The following ANKRD30A variants were observed in gnomAD, a reference collection of about 807,000 sequenced individuals.
The protein encoded by ANKRD30A is ankyrin repeat domain 30A.
A neutral mutation model predicts 166.3 loss-of-function variants in ANKRD30A; 170 were observed. That is an observed-to-expected ratio of 1.02 (90% CI 0.90 to 1.16). ANKRD30A has a LOEUF of 1.16. ANKRD30A is among the 50% of genes most tolerant of loss of function. The pLI is 0.00. For synonymous variants in ANKRD30A, 564 were observed against 508.9 expected, an observed-to-expected ratio of 1.11 and a Z score of -1.46; for missense variants, 1,630 against 1,518.0, an observed-to-expected ratio of 1.07 and a Z score of -1.23.
rs201775035 is a variant in ANKRD30A at position 37,197,307 on chromosome 10, G to A, written c.2641G>A (p.Glu881Lys). 271 of 1,613,054 alleles carry A rather than the reference G, an allele frequency of 1.7e-4. No individual in the cohort carries two copies. The highest frequency in any genetic ancestry group is 1.3e-3 in the East Asian group (57 of 44,852). Residue 881 changes from glutamate to lysine, a missense_variant and splice_region_variant, in exon 28 of 36, where the codon GAG becomes AAG. By Grantham distance (56) the Glu-to-Lys change is moderately conservative (BLOSUM62 1). Transcript: ENST00000361713. ...AEPPEKPSAF[E>K]PAIEMQKSVP... ...GCCTCCCGAGAAGCCATCTGCCTTC[G>A]AGGTATTTAGTTTTATGATTTCATT...
chr10:37,141,839 T>C lies in ANKRD30A; in HGVS notation c.942T>C (p.Pro314=). 6.2e-7 allele frequency: 1 copy of C among 1,613,880 alleles called. No individual in the cohort carries two copies. The highest frequency in any genetic ancestry group is 8.5e-7 in the Non-Finnish European group (1 of 1,179,896). The change falls in exon 7 of 36, where the codon CCT becomes CCC. Residue 314 remains proline (P), a synonymous_variant. Coordinates refer to ENST00000361713, the MANE Select transcript of ANKRD30A (RefSeq NM_052997.3). ...CTGCACCCTTGGTGGAAAGAACACC[T>C]GACACGGCTGAAAGCTTGGTGGAAA... ...DEAAPLVERT[P]DTAESLVEKT...
At chr10:37,179,038 ATATATAT>A (rs1839974413) in intron 24 of ANKRD30A, among the ~76,000 whole-genome samples, 1 of 69,378 alleles carries the variant, frequency 1.4e-5, no homozygotes, top group Non-Finnish European at 4.2e-5. Flanking sequence ...ATATATATAT[ATATATAT>A]ATATATATAT....
intron 21 of ANKRD30A, among the ~76,000 whole-genome samples, chr10:37,171,168 C>T (rs1839535959): frequency 9.8e-6 from 1 of 101,734 alleles, no homozygotes; most frequent in South Asian, 2.5e-4. Flanking sequence ...TCCTTGTTTG[C>T]TTATCGAATA....
At position 37,149,687 on chromosome 10, in the gene ANKRD30A, G is replaced by C. The variant is rs766563948; in HGVS notation, c.1572+8G>C. 4 of 1,612,234 alleles carry C rather than the reference G, an allele frequency of 2.5e-6. No homozygotes were observed. Among genetic ancestry groups the C allele is most frequent in the African/African-American group, 1.3e-5 (1 of 74,788 alleles). ...AAGCCATCTGCCTTCAAGGTATTTA[G>C]TTTTATTATTTCATTTTGAATGACT... is the stretch of plus-strand genomic sequence containing the variant. On this transcript the variant is annotated splice_region_variant and intron_variant, in intron 10 of 35. Coordinates refer to ENST00000361713, the MANE Select transcript of ANKRD30A (RefSeq NM_052997.3).
At chr10:37,199,604 AAG>A (rs1270329974) in intron 29 of ANKRD30A, 121 bp from the exon 30 acceptor site, 5 of 526,466 alleles carry the variant, frequency 9.5e-6, no homozygotes, top group East Asian at 7.4e-5. Flanking sequence ...AATCAACAAA[AAG>A]AATATACGGG....
chr10:37,197,195 G>A, intron 27 of ANKRD30A, 86 bp from the exon 28 acceptor site: 1 of 1,554,748 alleles, frequency 6.4e-7, no homozygotes. Flanking sequence ...AGCAAGAGGA[G>A]TCAGTTAGAT....
rs367918559 is a variant in ANKRD30A at position 37,221,105 on chromosome 10, A to G, written c.4185+1208A>G. On this transcript the variant is annotated intron_variant, in intron 34 of 35. Transcript: ENST00000361713. The stretch of plus-strand genomic sequence containing the variant: ...TGAAGCATTACAGATTCATTAGCGG[A>G]CAAATGACTAGTGGGATGAATCTGG... 5.5e-5 allele frequency among the ~76,000 whole-genome samples: 8 copies of G among 145,686 alleles called. No individual in the cohort carries two copies. The East Asian group carries it at 8.0e-4, about 15-fold the overall frequency.
the ANKRD30A span, among the ~76,000 whole-genome samples, chr10:37,258,622 G>T: frequency 8.0e-5 from 12 of 149,188 alleles, no homozygotes; most frequent in African/African-American, 3.0e-4. Flanking sequence ...TCGTAGGTGG[G>T]TTATAAAGCT....
intron 17 of ANKRD30A, among the ~76,000 whole-genome samples, chr10:37,164,479 A>G (rs925910126): frequency 3.3e-5 from 5 of 152,032 alleles, no homozygotes; most frequent in Non-Finnish European, 5.9e-5. Context: ...GAAGTGTGTC[A>G]TTGTAAATGA....
At chr10:37,235,722 G>T (rs988953385), downstream of ANKRD30A, among the ~76,000 whole-genome samples, 1 of 140,940 alleles carries the variant, frequency 7.1e-6, no homozygotes, top group African/African-American at 2.6e-5. Flanking sequence ...TATTGTATTT[G>T]TTGGGCTTTA....
rs763534436 is a variant in ANKRD30A, at chr10:37,130,173, G to C, written c.337-32G>C. On this transcript the variant is annotated intron_variant, in intron 2 of 35. Coordinates refer to ENST00000361713, the MANE Select transcript of ANKRD30A (RefSeq NM_052997.3). ...AATAATTTATATTATAAATTATACA[G>C]TTTACAATAATTCTTGCTTTAATAC... The C allele has an allele frequency of 4.1e-6, 6 of 1,457,762 alleles. No individual in the cohort carries two copies. The East Asian group carries it at 7.9e-5, about 19-fold the overall frequency. 90.3% of individuals were successfully genotyped at this position (1,457,762 alleles called of 1,614,324 possible).
At chr10:37,223,309 TAGAAAA>T (rs1396149283) in intron 34 of ANKRD30A, among the ~76,000 whole-genome samples, 4 of 150,578 alleles carry the variant, frequency 2.7e-5, no homozygotes, top group African/African-American at 9.7e-5. Context: ...AAATGGTTAA[TAGAAAA>T]AGAAAAAGAA....
At chr10:37,150,628 T>C (rs1437308835) in intron 11 of ANKRD30A, among the ~76,000 whole-genome samples, 5 of 152,226 alleles carry the variant, frequency 3.3e-5, no homozygotes, top group African/African-American at 9.6e-5. Flanking sequence ...AGAAACATTC[T>C]TTTTTGATCA....
At chr10:37,158,927 G>T (rs1390586481) in intron 15 of ANKRD30A, among the ~76,000 whole-genome samples, 1 of 152,158 alleles carries the variant, frequency 6.6e-6, no homozygotes, top group Admixed American at 6.5e-5. Flanking sequence ...TTGGAATTCC[G>T]ATCTTTACTT....
At chr10:37,203,570 T>A (rs1001569162) in intron 31 of ANKRD30A, among the ~76,000 whole-genome samples, 3 of 152,128 alleles carry the variant, frequency 2.0e-5, no homozygotes, top group African/African-American at 7.2e-5. Context: ...CTTTGAAAAC[T>A]GGCACAAGAC....
At position 37,178,524 on chromosome 10, in the gene ANKRD30A, C is replaced by A. The variant is rs1839911983; in HGVS notation, c.2421+2306C>A. The A allele has an allele frequency of 3.0e-5, 29 of 978,716 alleles. 2 individuals carry two copies. The highest frequency in any genetic ancestry group is 3.5e-5 in the Non-Finnish European group (29 of 824,244). The allele number at this position is 978,716 out of a possible 1,614,324, so 60.6% of individuals were successfully genotyped here. A position where few individuals can be genotyped will look rare whatever the true frequency, so the allele number is the denominator to read the frequency against. On this transcript the variant is annotated intron_variant, in intron 24 of 35. Transcript: ENST00000361713. ...TTGCTCTGGGTAGCAAGAGGAGAGGCCTTTTGTGGGAAAAATGTGGAAGCA... is the reference window on the plus strand; with the variant it reads ...TTGCTCTGGGTAGCAAGAGGAGAGGACTTTTGTGGGAAAAATGTGGAAGCA...
chr10:37,164,523 A>T lies in ANKRD30A; in HGVS notation c.2003-571A>T, dbSNP rs568368238. On this transcript the variant is annotated intron_variant, in intron 17 of 35. Coordinates refer to ENST00000361713, the MANE Select transcript of ANKRD30A (RefSeq NM_052997.3). ...TTAATTTATATGCAATAAAATTTTT[A>T]AAGCTTATCTTCCTAAAGCATATAC... 3.9e-4 allele frequency among the ~76,000 whole-genome samples: 60 copies of T among 152,272 alleles called. 1 individual carries two copies. In the Middle Eastern group the frequency reaches 0.01, roughly 26 times the overall value.
chr10:37,220,711 A>G (rs1464436742), intron 34 of ANKRD30A, among the ~76,000 whole-genome samples: 1 of 151,158 alleles, frequency 6.6e-6, no homozygotes, highest in Non-Finnish European at 1.5e-5. Context: ...TCCCAGAGAA[A>G]GATCATTGTA....
intron 19 of ANKRD30A, among the ~76,000 whole-genome samples, chr10:37,167,544 A>G (rs1767380): frequency 9.2e-5 from 14 of 151,854 alleles, no homozygotes; most frequent in South Asian, 2.1e-4. Context: ...TGATTTTAAC[A>G]TAGAAAATGT....
Sources: gnomAD v4.1 joint callset for allele counts (sites outside exome capture counted in the v4.1 genomes callset) on GRCh38, gnomAD v4.1.1 for gene constraint, MANE v1.5 for transcripts, NCBI Gene and HGNC (gene_info 2026-07-23, HGNC 2026-07-21) for gene names.